NEMP1: variants seen among roughly 807,000 people sequenced by gnomAD.
The protein encoded by NEMP1 is nuclear envelope integral membrane protein 1.
Under a neutral mutation model 53.7 loss-of-function variants are expected in NEMP1, and 29 were observed. The observed-to-expected ratio is 0.54, with a 90% confidence interval of 0.40 to 0.74. NEMP1 has a LOEUF of 0.74. Ranked by LOEUF, NEMP1 falls within the 30% of genes least tolerant of loss-of-function variation. The probability of loss-of-function intolerance (pLI) is 0.00; values close to 1 mark genes in which losing one functional copy is unlikely to be tolerated. For synonymous variants in NEMP1, 193 were observed against 192.9 expected (o/e 1.00, Z 0.00); for missense variants, 477 against 528.6 (o/e 0.90, Z 0.96).
At chr12:57,079,861 C>T (rs2032791954), upstream of NEMP1, among the ~76,000 whole-genome samples, 1 of 152,074 alleles carries the variant, frequency 6.6e-6, no homozygotes, top group Non-Finnish European at 1.5e-5. Context: ...ACCTTGAATT[C>T]CTGGACTTAA....
In NEMP1 at chr12:57,059,536, C is replaced by T; in HGVS notation, c.*343G>A. 1 of 190,000 alleles carries T rather than the reference C, an allele frequency of 5.3e-6. No individual in the cohort carries two copies. The allele number at this position is 190,000 out of a possible 1,614,324, so 11.8% of individuals were successfully genotyped here. A position where few individuals can be genotyped will look rare whatever the true frequency, so the allele number is the denominator to read the frequency against. On this transcript the variant is annotated 3_prime_UTR_variant, in exon 9 of 9. Transcript: ENST00000300128. The stretch of plus-strand genomic sequence containing the variant: ...AACAGTTCTTACTTTGGAGAGCCAG[C>T]CAGTGACAGAAATGCCATGATTGAA...
upstream of NEMP1, among the ~76,000 whole-genome samples, chr12:57,080,352 G>GT (rs2032808169): frequency 6.6e-6 from 1 of 152,140 alleles, no homozygotes; most frequent in Non-Finnish European, 1.5e-5. Context: ...TCCGAGGCGG[G>GT]TGGATCAACT....
Position 57,059,637 on chromosome 12 carries a change from G to C in NEMP1, c.*242C>G. 1 of 373,354 alleles carries C rather than the reference G, an allele frequency of 2.7e-6. No individual in the cohort carries two copies. Among genetic ancestry groups the C allele is most frequent in the Non-Finnish European group, 4.8e-6 (1 of 206,218 alleles). The allele number at this position is 373,354 out of a possible 1,614,324, so 23.1% of individuals were successfully genotyped here. On this transcript the variant is annotated 3_prime_UTR_variant, in exon 9 of 9. Coordinates refer to ENST00000300128, the MANE Select transcript of NEMP1 (RefSeq NM_001130963.2). ...TTCTCTGGAAACATAAAAGTGGGCT[G>C]TTAGCTTAACCAATGGGAAGTGAAC...
chr12:57,069,377 C>G, intron 3 of NEMP1, 71 bp from the exon 4 acceptor site: 1 of 996,378 alleles, frequency 1.0e-6, no homozygotes, highest in Non-Finnish European at 1.5e-6. Flanking sequence ...TAAAAGACAA[C>G]GTTGGCACTA....
chr12:57,088,563 C>T (rs1352649514), upstream of NEMP1, among the ~76,000 whole-genome samples: 1 of 152,226 alleles, frequency 6.6e-6, no homozygotes, highest in Admixed American at 6.5e-5. Context: ...GGGCAACGGG[C>T]GTCCCCGTAG....
chr12:57,065,067 T>TC (rs2032007048), intron 4 of NEMP1, among the ~76,000 whole-genome samples: 1 of 152,232 alleles, frequency 6.6e-6, no homozygotes, highest in Admixed American at 6.5e-5. Context: ...CTGCTAAAGA[T>TC]CATCTACGCC....
At chr12:57,069,097 T>G in intron 4 of NEMP1, 137 bp downstream of exon 4, 1 of 524,372 alleles carries the variant, frequency 1.9e-6, no homozygotes, top group Non-Finnish European at 3.4e-6. Context: ...TTAAAGTATT[T>G]TTTTAAATAT....
rs2136486292 is a variant in NEMP1 at position 57,063,218 on chromosome 12, G to A, written c.881C>T (p.Ser294Phe). Residue 294 changes from serine to phenylalanine, a missense_variant, in exon 7 of 9, where the codon TCT becomes TTT. Physicochemically the swap from Ser to Phe is radical, Grantham distance 155. Coordinates refer to ENST00000300128, the MANE Select transcript of NEMP1 (RefSeq NM_001130963.2). ...LQLMGLCFMY[S>F]GIQIPHIALA... ...GGCAATATGTGGTATCTGGATGCCAGAATACATGAAACACAGGCCCATCAG... is the reference window on the plus strand; with the variant it reads ...GGCAATATGTGGTATCTGGATGCCAAAATACATGAAACACAGGCCCATCAG... 2.5e-6 allele frequency: 4 copies of A among 1,614,144 alleles called. No individual in the cohort carries two copies. The East Asian group carries it at 8.9e-5, about 36-fold the overall frequency.
intron 4 of NEMP1, among the ~76,000 whole-genome samples, chr12:57,065,813 A>T (rs1014903741): frequency 6.6e-6 from 1 of 151,970 alleles, no homozygotes; most frequent in African/African-American, 2.4e-5. Context: ...CCTTGCACTT[A>T]TGTAATAAGA....
intron 5 of NEMP1, 111 bp from the exon 6 acceptor site, chr12:57,064,296 T>C (rs1410583290): frequency 4.6e-6 from 3 of 646,378 alleles, no homozygotes; most frequent in Non-Finnish European, 7.7e-6. Flanking sequence ...CTACTCAAAA[T>C]GCACAAAAAA....
chr12:57,076,435 G>T (rs924145069), intron 1 of NEMP1, among the ~76,000 whole-genome samples: 1 of 150,860 alleles, frequency 6.6e-6, no homozygotes, highest in African/African-American at 2.4e-5. Context: ...AGGCTGAGGC[G>T]GGCGGAACAC....
intron 1 of NEMP1, among the ~76,000 whole-genome samples, chr12:57,087,168 T>C (rs938431291): frequency 1.3e-5 from 2 of 152,194 alleles, no homozygotes; most frequent in Admixed American, 1.3e-4. Context: ...TCCCCCTCTT[T>C]CCCGGATCAG....
At position 57,057,417 on chromosome 12, in the gene NEMP1, G is replaced by A. The variant is rs891321529; in HGVS notation, c.*2462C>T. ...TAAATGGGGTCTTCAAGTAGTGACT[G>A]AGCCAGCAAACTAAGTGGCCAAGAG... is the stretch of plus-strand genomic sequence containing the variant. On this transcript the variant is annotated 3_prime_UTR_variant, in exon 9 of 9. Coordinates refer to ENST00000300128, the MANE Select transcript of NEMP1 (RefSeq NM_001130963.2). The A allele has an allele frequency of 6.6e-6, 1 of 152,338 alleles. No individual in the cohort carries two copies. The highest frequency in any genetic ancestry group is 2.4e-5 in the African/African-American group (1 of 41,456). 9.4% of individuals were successfully genotyped at this position (152,338 alleles called of 1,614,324 possible).
rs2031532065 is a variant in NEMP1 at position 57,056,517 on chromosome 12, G to A, written c.*3362C>T. ...TACAATTCTTGGCATTTCAATATAGGTTATTATCTCATATGTCAGACTTGA... is the reference window on the plus strand; with the variant it reads ...TACAATTCTTGGCATTTCAATATAGATTATTATCTCATATGTCAGACTTGA... On this transcript the variant is annotated 3_prime_UTR_variant, in exon 9 of 9. Coordinates refer to ENST00000300128, the MANE Select transcript of NEMP1 (RefSeq NM_001130963.2). 6.6e-6 allele frequency: 1 copy of A among 152,080 alleles called. No homozygotes were observed. The highest frequency in any genetic ancestry group is 6.5e-5 in the Admixed American group (1 of 15,268). The allele number at this position is 152,080 out of a possible 1,614,324, so 9.4% of individuals were successfully genotyped here. A position where few individuals can be genotyped will look rare whatever the true frequency, so the allele number is the denominator to read the frequency against.
At chr12:57,083,714 T>C (rs532330984), upstream of NEMP1, among the ~76,000 whole-genome samples, 2 of 152,360 alleles carry the variant, frequency 1.3e-5, no homozygotes, top group South Asian at 4.1e-4. Flanking sequence ...TAGGTCAGGT[T>C]CTGCCACAAA....
upstream of NEMP1, among the ~76,000 whole-genome samples, chr12:57,083,374 C>T (rs1489124742): frequency 6.6e-6 from 1 of 152,180 alleles, no homozygotes; most frequent in Admixed American, 6.5e-5. Context: ...CTCAAAACAA[C>T]AAGAATCTCC....
intron 1 of NEMP1, among the ~76,000 whole-genome samples, chr12:57,076,714 G>A (rs2032639068): frequency 6.6e-6 from 1 of 152,120 alleles, no homozygotes; most frequent in Non-Finnish European, 1.5e-5. Context: ...GGCAGAGGGA[G>A]AAGTGCTTGA....
upstream of NEMP1, among the ~76,000 whole-genome samples, chr12:57,083,424 T>C (rs556445349): frequency 6.6e-6 from 1 of 152,356 alleles, no homozygotes; most frequent in Non-Finnish European, 1.5e-5. Flanking sequence ...ATATTCATTA[T>C]CTGCAGGTGG....
intron 1 of NEMP1, among the ~76,000 whole-genome samples, chr12:57,086,272 T>C (rs1451817057): frequency 1.3e-5 from 2 of 152,182 alleles, no homozygotes; most frequent in East Asian, 3.8e-4. Flanking sequence ...CCCCTTTTCT[T>C]GGAAAACTAG....
Sources: gnomAD v4.1 joint callset for allele counts (sites outside exome capture counted in the v4.1 genomes callset) on GRCh38, gnomAD v4.1.1 for gene constraint, MANE v1.5 for transcripts, NCBI Gene and HGNC (gene_info 2026-07-23, HGNC 2026-07-21) for gene names.